Variants in AGAP4 observed in about 807,000 individuals in gnomAD.
AGAP4 encodes ArfGAP with GTPase domain, ankyrin repeat and PH domain 4.
Under a neutral mutation model 60.7 loss-of-function variants are expected in AGAP4, and 13 were observed. That is an observed-to-expected ratio of 0.21 (90% confidence interval 0.14 to 0.34). AGAP4 has a LOEUF of 0.34. Among genes scored for constraint, AGAP4 ranks in the 10% least tolerant of loss-of-function variants. AGAP4 has a pLI of 1.00. For missense variants in AGAP4, 169 were observed against 884.0 expected, an observed-to-expected ratio of 0.19 and a Z score of 10.26; for synonymous variants, 70 against 339.0, an observed-to-expected ratio of 0.21 and a Z score of 8.72.
At chr10:45,829,259 A>G (rs2058693125) in intron 6 of AGAP4, among the ~76,000 whole-genome samples, 1 of 133,104 alleles carries the variant, frequency 7.5e-6, no homozygotes, top group Non-Finnish European at 1.6e-5. Flanking sequence ...TTGATGAAGC[A>G]GTAAAAATTA....
At chr10:45,830,102 ACTGT>A (rs1460962434) in intron 6 of AGAP4, among the ~76,000 whole-genome samples, 2 of 148,972 alleles carry the variant, frequency 1.3e-5, no homozygotes, top group Non-Finnish European at 3.0e-5. Context: ...AATACCCACA[ACTGT>A]CTGAAAACTT....
At chr10:45,853,637 A>C (rs2059109743) in intron 1 of AGAP4, 35 of 1,286,604 alleles carry the variant, frequency 2.7e-5, no homozygotes, top group Non-Finnish European at 3.5e-5. Flanking sequence ...ACAGCCATGG[A>C]TCGGGAGACC....
At chr10:45,848,455 T>C (rs1299716864), upstream of AGAP4, among the ~76,000 whole-genome samples, 1 of 147,982 alleles carries the variant, frequency 6.8e-6, no homozygotes, top group Non-Finnish European at 1.5e-5. Flanking sequence ...CACAGTCCTA[T>C]TTCAATAAAG....
Position 45,825,958 on chromosome 10 carries a change from A to G in AGAP4, c.2018T>C (p.Ile673Thr), listed in dbSNP as rs201101765. 6.0e-5 allele frequency: 81 copies of G among 1,353,278 alleles called. 22 individuals carry two copies. Among genetic ancestry groups the G allele is most frequent in the Non-Finnish European group, 8.2e-5 (81 of 991,618 alleles). The allele number at this position is 1,353,278 out of a possible 1,614,324, so 83.8% of individuals were successfully genotyped here. ...GCAGCCGTACTGCAGAAGCACGTTG[A>G]TGCACTCCTGGCTGGAGGCCTGCCG... ...YARQASSQEC[I>T]NVLLQYGCPD... Residue 673 changes from isoleucine (I) to threonine (T), a missense_variant, in exon 8 of 8, where the codon ATC (isoleucine) becomes ACC (threonine). Ile to Thr is a moderately conservative substitution (Grantham distance 89). Coordinates refer to ENST00000616763, the MANE Select transcript of AGAP4 (RefSeq NM_001276343.3).
At chr10:45,853,669 A>C in exon 1 of AGAP4, 2 of 1,287,764 alleles carry the variant, frequency 1.6e-6, no homozygotes, top group Non-Finnish European at 2.0e-6. Flanking sequence ...AGAGGAGTCC[A>C]GTGGGTCCAG....
At chr10:45,853,806 C>T in exon 1 of AGAP4, 2 of 1,287,118 alleles carry the variant, frequency 1.6e-6, no homozygotes, top group Non-Finnish European at 2.0e-6. Flanking sequence ...AAGATCTTGT[C>T]TTTGCTGGTT....
At chr10:45,836,866 A>ATCT (rs2058825728) in intron 4 of AGAP4, among the ~76,000 whole-genome samples, 1 of 137,142 alleles carries the variant, frequency 7.3e-6, no homozygotes, top group African/African-American at 2.9e-5. Flanking sequence ...ATGGTGGATT[A>ATCT]TCTTTTTTTT....
intron 4 of AGAP4, among the ~76,000 whole-genome samples, chr10:45,839,976 GC>G (rs2058890691): frequency 6.7e-6 from 1 of 149,932 alleles, no homozygotes. Flanking sequence ...ATCAATGCAG[GC>G]GTACTGGTCT....
intron 5 of AGAP4, among the ~76,000 whole-genome samples, chr10:45,832,254 G>T (rs1447434346): frequency 6.9e-6 from 1 of 144,792 alleles, no homozygotes; most frequent in Non-Finnish European, 1.5e-5. Flanking sequence ...AGAATTTAAA[G>T]TTACATGCTG....
At chr10:45,847,502 T>C, upstream of AGAP4, 11 of 1,523,988 alleles carry the variant, frequency 7.2e-6, no homozygotes, top group Non-Finnish European at 9.6e-6. Flanking sequence ...GCACCAGCCC[T>C]GGCCCTGGCC....
Position 45,825,624 on chromosome 10 carries a change from A to T in AGAP4, c.*291T>A, listed in dbSNP as rs1233357954. On this transcript the variant is annotated 3_prime_UTR_variant, in exon 8 of 8. Coordinates refer to ENST00000616763, the MANE Select transcript of AGAP4 (RefSeq NM_001276343.3). Reference sequence around the variant, plus strand: ...AAATCAATGCATATTTATGAACTTTATTTCAAATATATTTTCACACATTTT... The same window carrying T: ...AAATCAATGCATATTTATGAACTTTTTTTCAAATATATTTTCACACATTTT... 4.3e-5 allele frequency: 20 copies of T among 469,862 alleles called. No individual in the cohort carries two copies. The highest frequency in any genetic ancestry group is 9.9e-5 in the South Asian group (4 of 40,558). 29.1% of individuals were successfully genotyped at this position (469,862 alleles called of 1,614,324 possible).
chr10:45,846,459 G>C (rs1363841902), intron 2 of AGAP4, among the ~76,000 whole-genome samples: 2 of 151,812 alleles, frequency 1.3e-5, no homozygotes, highest in African/African-American at 2.4e-5. Context: ...CCAAATATTT[G>C]AATAGGAACT....
chr10:45,849,328 C>A (rs1160728349), upstream of AGAP4, among the ~76,000 whole-genome samples: 1 of 151,728 alleles, frequency 6.6e-6, no homozygotes, highest in Non-Finnish European at 1.5e-5. Context: ...ATCACCTCCC[C>A]CTAGGCCCCT....
chr10:45,849,473 G>GATTCTTATTATTATT (rs1554900084), upstream of AGAP4, among the ~76,000 whole-genome samples: 10 of 145,118 alleles, frequency 6.9e-5, no homozygotes, highest in Admixed American at 2.1e-4. Flanking sequence ...TGATGATGAT[G>GATTCTTATTATTATT]ATTATTATTA....
At chr10:45,844,253 A>G in intron 3 of AGAP4, 73 bp downstream of exon 3, 1 of 1,573,384 alleles carries the variant, frequency 6.4e-7, no homozygotes, top group Non-Finnish European at 8.5e-7. Context: ...GAGTTTTTCT[A>G]AATACTTTCT....
At chr10:45,833,857 CT>C (rs1214759587) in intron 5 of AGAP4, among the ~76,000 whole-genome samples, 158 bp downstream of exon 5, 13 of 116,176 alleles carry the variant, frequency 1.1e-4, no homozygotes, top group Admixed American at 5.4e-4. Flanking sequence ...ACCACGACGT[CT>C]AAGATTAAAA....
At chr10:45,834,800 GTC>G (rs1158332390) in intron 4 of AGAP4, among the ~76,000 whole-genome samples, 2 of 143,648 alleles carry the variant, frequency 1.4e-5, no homozygotes, top group Admixed American at 6.8e-5. Flanking sequence ...TTGAGACGGA[GTC>G]TCGCTCTGTC....
chr10:45,841,330 G>C (rs373085520), intron 4 of AGAP4, among the ~76,000 whole-genome samples: 10 of 148,990 alleles, frequency 6.7e-5, no homozygotes, highest in East Asian at 4.0e-4. Context: ...TCAAATTCCT[G>C]ACCTCAGATG....
chr10:45,847,284 C>A lies in AGAP4; in HGVS notation c.64G>T (p.Gly22Trp). ...SVSLEFDQQQ[G>W]SVCPSESEIY... ...TCAGATTCAGAGGGACACACCGACCCCTGCTGCTGGTCAAACTCGAGGCTG... is the reference window on the plus strand; with the variant it reads ...TCAGATTCAGAGGGACACACCGACCACTGCTGCTGGTCAAACTCGAGGCTG... Residue 22 changes from glycine to tryptophan, a missense_variant, in exon 1 of 8, where the codon GGG becomes TGG. Coordinates refer to ENST00000616763, the MANE Select transcript of AGAP4 (RefSeq NM_001276343.3). 2 of 1,597,712 alleles carry A rather than the reference C, an allele frequency of 1.3e-6. No individual in the cohort carries two copies. The highest frequency in any genetic ancestry group is 1.7e-6 in the Non-Finnish European group (2 of 1,179,780).
Sources: gnomAD v4.1 joint callset for allele counts (sites outside exome capture counted in the v4.1 genomes callset) on GRCh38, gnomAD v4.1.1 for gene constraint, MANE v1.5 for transcripts, NCBI Gene and HGNC (gene_info 2026-07-23, HGNC 2026-07-21) for gene names.